The following USP34 variants were observed in gnomAD, a reference collection of about 807,000 sequenced individuals.
The protein encoded by USP34 is ubiquitin carboxyl-terminal hydrolase 34.
A neutral mutation model predicts 460.3 loss-of-function variants in USP34; 70 were observed. The ratio of observed to expected loss-of-function variants is 0.15; its 90% CI spans 0.13 to 0.19. The LOEUF (loss-of-function observed/expected upper bound fraction) is 0.19, where lower values mean the gene tolerates loss of function less well. Among genes scored for constraint, USP34 ranks in the 10% least tolerant of loss-of-function variants. The pLI is 1.00. For synonymous variants in USP34, 1,647 were observed against 1,405.3 expected, an observed-to-expected ratio of 1.17 and a Z score of -3.85; for missense variants, 3,985 against 4,236.2, an observed-to-expected ratio of 0.94 and a Z score of 1.65.
intron 48 of USP34, among the ~76,000 whole-genome samples, chr2:61,252,389 T>TAGCAGCAGCAGC (rs3980947): frequency 6.6e-6 from 1 of 151,576 alleles, no homozygotes; most frequent in Admixed American, 6.6e-5. Flanking sequence ...ACAGTAACAA[T>TAGCAGCAGCAGC]AGCAGCAGCA....
chr2:61,378,913 G>GAAAAAAAAAAAAAAA lies in USP34; in HGVS notation c.1015-504_1015-490dup, dbSNP rs34463913. ...GAGTGAGAGTCCATCTCAAAAAAAC[G>GAAAAAAAAAAAAAAA]AAAAAAAAAAAAAAAAAAAAAAAAC... On this transcript the variant is annotated intron_variant, in intron 7 of 79. Transcript: ENST00000398571. Among the ~76,000 whole-genome samples, 22 of 57,870 alleles carry GAAAAAAAAAAAAAAA rather than the reference G, an allele frequency of 3.8e-4. 2 individuals are homozygous for GAAAAAAAAAAAAAAA. Among genetic ancestry groups the GAAAAAAAAAAAAAAA allele is most frequent in the Non-Finnish European group, 4.5e-4 (16 of 35,270 alleles). The allele number at this position is 57,870 out of a possible 152,430, so 38.0% of individuals were successfully genotyped here.
intron 18 of USP34, among the ~76,000 whole-genome samples, chr2:61,335,609 C>G (rs759565065): frequency 2.0e-5 from 3 of 152,058 alleles, no homozygotes; most frequent in Non-Finnish European, 4.4e-5. Flanking sequence ...ATTAGCCACC[C>G]ATGATGGCAC....
In USP34 at chr2:61,390,988, G is replaced by A. The variant is rs543334069; in HGVS notation, c.753+3865C>T. On this transcript the variant is annotated intron_variant, in intron 5 of 79. Transcript: ENST00000398571. ...TGCGTGCCTGTAGTCCCAGCTACTC[G>A]GGAAGCTAAGGCAGGAGAATCGCTT... 2.2e-3 allele frequency among the ~76,000 whole-genome samples: 330 copies of A among 152,020 alleles called. 1 individual carries two copies. The highest frequency in any genetic ancestry group is 7.2e-3 in the African/African-American group (300 of 41,468).
chr2:61,437,191 TAAAC>T (rs762147634), intron 1 of USP34, among the ~76,000 whole-genome samples: 1 of 151,524 alleles, frequency 6.6e-6, no homozygotes, highest in Non-Finnish European at 1.5e-5. Context: ...AGAGCTGAAA[TAAAC>T]AAAATTGAGA....
In USP34 at chr2:61,188,242, A is replaced by G. The variant is rs758747458; in HGVS notation, c.10501T>C (p.Ser3501Pro). Residue 3501 changes from serine (S) to proline (P), a missense_variant, in exon 80 of 80, where the codon TCT (serine) becomes CCT (proline). Ser to Pro is a moderately conservative substitution (Grantham distance 74, BLOSUM62 -1). This residue lies in a region of USP34 where 506 missense variants were observed against 439.0 expected (regional missense o/e 1.15). Coordinates refer to ENST00000398571, the MANE Select transcript of USP34 (RefSeq NM_014709.4). ...LPSQDPEVAL[S>P]LSCGHSRGLF... ...CCTCTGGAATGGCCACAACTGAGAG[A>G]TAAAGCAACCTCAGGGTCCTGGGAG... is the stretch of plus-strand genomic sequence containing the variant. 1 of 1,614,196 alleles carries G rather than the reference A, an allele frequency of 6.2e-7. No homozygotes were observed. Among genetic ancestry groups the G allele is most frequent in the East Asian group, 2.2e-5 (1 of 44,884 alleles).
chr2:61,425,049 A>AC (rs983960729), intron 1 of USP34, among the ~76,000 whole-genome samples: 1 of 152,004 alleles, frequency 6.6e-6, no homozygotes, highest in Non-Finnish European at 1.5e-5. Flanking sequence ...CAAACTCCTG[A>AC]CCTCATGATC....
In USP34 at chr2:61,417,231, A is replaced by G. The variant is rs1379094557; in HGVS notation, c.131+3515T>C. 4.2e-6 allele frequency: 6 copies of G among 1,436,198 alleles called. No individual in the cohort carries two copies. The African/African-American group carries it at 7.0e-5, about 17-fold the overall frequency. The allele number at this position is 1,436,198 out of a possible 1,614,324, so 89.0% of individuals were successfully genotyped here. A position where few individuals can be genotyped will look rare whatever the true frequency, so the allele number is the denominator to read the frequency against. On this transcript the variant is annotated intron_variant, in intron 2 of 79. Coordinates refer to ENST00000398571, the MANE Select transcript of USP34 (RefSeq NM_014709.4). ...GTAGTGCAAGGTCAGAAACACGAAC[A>G]TACATCTGAAAGGCCTGTCTCCAAG...
chr2:61,295,243 G>C lies in USP34; in HGVS notation c.4302C>G (p.Ala1434=), dbSNP rs368925246. The C allele has an allele frequency of 2.5e-6, 4 of 1,608,284 alleles. No homozygotes were observed. The highest frequency in any genetic ancestry group is 3.4e-6 in the Non-Finnish European group (4 of 1,177,840). ...TTTCCAGAGCATACAATAGCTTGTG[G>C]GCGCTCTTAATTTTGAGAAGTTCTT... ...NWKELLKIKS[A]HKLLYALEII... The change falls in exon 31 of 80, where the codon GCC becomes GCG. Residue 1434 remains alanine (A), a synonymous_variant. Coordinates refer to ENST00000398571, the MANE Select transcript of USP34 (RefSeq NM_014709.4).
intron 1 of USP34, among the ~76,000 whole-genome samples, chr2:61,438,975 G>A (rs1269582345): frequency 6.6e-6 from 1 of 152,006 alleles, no homozygotes; most frequent in African/African-American, 2.4e-5. Flanking sequence ...AAAGTTGCAG[G>A]ATACAAAATC....
intron 10 of USP34, among the ~76,000 whole-genome samples, chr2:61,358,831 T>A (rs1022523083): frequency 6.6e-6 from 1 of 151,796 alleles, no homozygotes; most frequent in African/African-American, 2.4e-5. Flanking sequence ...AAATGAACAA[T>A]CCGAAAAGAA....
chr2:61,391,720 G>A (rs1411301212), intron 5 of USP34, among the ~76,000 whole-genome samples: 2 of 152,008 alleles, frequency 1.3e-5, no homozygotes, highest in East Asian at 3.9e-4. Context: ...ACCCACTAGA[G>A]GAAATTACTA....
At chr2:61,310,919 T>C (rs17008218) in intron 27 of USP34, among the ~76,000 whole-genome samples, 1 of 152,076 alleles carries the variant, frequency 6.6e-6, no homozygotes, top group Non-Finnish European at 1.5e-5. Flanking sequence ...TATGGTCACA[T>C]CAAAAGTCTA....
Position 61,278,433 on chromosome 2 carries a change from A to G in USP34, c.5267T>C (p.Leu1756Pro). The part of the protein sequence containing the change: ...HIKDASQTTL[L>P]DLDALARHLA... The stretch of plus-strand genomic sequence containing the variant: ...ATGTCTTGCCAAGGCATCTAAGTCG[A>G]GGAGCGTTGTCTTAATACAAAAAGA... Residue 1756 changes from leucine to proline, a missense_variant, in exon 40 of 80, where the codon CTC becomes CCC. Physicochemically the swap from Leu to Pro is moderately conservative, Grantham distance 98. Coordinates refer to ENST00000398571, the MANE Select transcript of USP34 (RefSeq NM_014709.4). 6.3e-7 allele frequency: 1 copy of G among 1,586,148 alleles called. No homozygotes were observed. The highest frequency in any genetic ancestry group is 8.5e-7 in the Non-Finnish European group (1 of 1,170,480).
intron 15 of USP34, 102 bp from the exon 16 acceptor site, chr2:61,344,131 C>T (rs549625360): frequency 1.9e-6 from 2 of 1,053,888 alleles, no homozygotes; most frequent in African/African-American, 3.2e-5. Context: ...CACTTAGAAA[C>T]AAACCGACAT....
chr2:61,446,719 C>T (rs576803888), intron 1 of USP34, among the ~76,000 whole-genome samples: 1 of 151,284 alleles, frequency 6.6e-6, no homozygotes, highest in Non-Finnish European at 1.5e-5. Flanking sequence ...TCCCTAGAAC[C>T]TGAGAGGCAG....
At chr2:61,195,893 A>T (rs1040460076) in intron 75 of USP34, among the ~76,000 whole-genome samples, 6 of 151,834 alleles carry the variant, frequency 4.0e-5, no homozygotes, top group African/African-American at 1.5e-4. Flanking sequence ...CCCCCAAAGT[A>T]AAATAATCTT....
intron 51 of USP34, among the ~76,000 whole-genome samples, chr2:61,242,708 G>C (rs1174746233): frequency 6.6e-6 from 1 of 152,112 alleles, no homozygotes; most frequent in Non-Finnish European, 1.5e-5. Flanking sequence ...AAGGAGACGA[G>C]GATTCTACTG....
At chr2:61,382,336 C>T (rs1415931125) in intron 6 of USP34, among the ~76,000 whole-genome samples, 2 of 152,188 alleles carry the variant, frequency 1.3e-5, no homozygotes, top group East Asian at 1.9e-4. Context: ...AAAACTATAT[C>T]CCCTTACACA....
intron 6 of USP34, 136 bp from the exon 7 acceptor site, chr2:61,380,497 A>G: frequency 1.2e-6 from 1 of 823,174 alleles, no homozygotes; most frequent in South Asian, 2.0e-5. Flanking sequence ...TTTTCCTCTC[A>G]GGCCCTGCCT....
Sources: gnomAD v4.1 joint callset for allele counts (sites outside exome capture counted in the v4.1 genomes callset) on GRCh38, gnomAD v4.1.1 for gene constraint, gnomAD v4.1.1 regional missense constraint, MANE v1.5 for transcripts, NCBI Gene and HGNC (gene_info 2026-07-23, HGNC 2026-07-21) for gene names.